PCBP3: variants seen among roughly 807,000 people sequenced by gnomAD.
The protein encoded by PCBP3 is poly(rC) binding protein 3.
In PCBP3, 25 loss-of-function variants were observed where a neutral mutation model predicts 52.7. That is an observed-to-expected ratio of 0.47 (90% CI 0.35 to 0.66). The LOEUF is 0.66. PCBP3 is among the 30% of genes least tolerant of loss of function. PCBP3 has a pLI of 0.01. For synonymous variants in PCBP3, 162 were observed against 183.0 expected (o/e 0.89, Z 0.93); for missense variants, 391 against 490.3 (o/e 0.80, Z 1.91).
At chr21:45,858,601 C>G (rs2148389082) in intron 5 of PCBP3, 1 of 152,266 alleles carries the variant, frequency 6.6e-6, no homozygotes, top group African/African-American at 2.4e-5. Flanking sequence ...AGGAAGGCCA[C>G]CTTTGCATGA....
At chr21:45,713,535 A>G (rs2084000734) in intron 2 of PCBP3, among the ~76,000 whole-genome samples, 1 of 152,198 alleles carries the variant, frequency 6.6e-6, no homozygotes, top group South Asian at 2.1e-4. Flanking sequence ...CGACCACCTC[A>G]TGAAGGCAGA....
chr21:45,869,987 CTT>C (rs1158679081), intron 5 of PCBP3, among the ~76,000 whole-genome samples: 1 of 152,176 alleles, frequency 6.6e-6, no homozygotes, highest in Non-Finnish European at 1.5e-5. Flanking sequence ...ACACTTCAGA[CTT>C]TAATTTTTTG....
chr21:45,879,076 C>G (rs2095337866), intron 5 of PCBP3, among the ~76,000 whole-genome samples: 1 of 152,150 alleles, frequency 6.6e-6, no homozygotes. Flanking sequence ...GCCTCCATCT[C>G]CCAGGCTCAA....
intron 5 of PCBP3, among the ~76,000 whole-genome samples, chr21:45,863,727 G>A (rs562710466): frequency 2.0e-5 from 3 of 152,290 alleles, no homozygotes; most frequent in Non-Finnish European, 2.9e-5. Flanking sequence ...AAACCTGATC[G>A]TTCCCAGCCT....
intron 4 of PCBP3, among the ~76,000 whole-genome samples, chr21:45,766,923 A>G (rs983428831): frequency 6.7e-6 from 1 of 150,076 alleles, no homozygotes; most frequent in African/African-American, 2.5e-5. Flanking sequence ...CAAGAGTGGT[A>G]TCATTACAGT....
At chr21:45,671,670 G>C (rs567665888) in intron 2 of PCBP3, among the ~76,000 whole-genome samples, 1 of 152,288 alleles carries the variant, frequency 6.6e-6, no homozygotes, top group African/African-American at 2.4e-5. Flanking sequence ...TGATTTGGGG[G>C]AGGGTTCAAG....
At chr21:45,867,491 C>T (rs1415828261) in intron 5 of PCBP3, among the ~76,000 whole-genome samples, 2 of 152,258 alleles carry the variant, frequency 1.3e-5, no homozygotes, top group Non-Finnish European at 2.9e-5. Context: ...CCGCATTCAC[C>T]GCACGCGGAG....
At chr21:45,868,908 G>C (rs1219214764) in intron 5 of PCBP3, among the ~76,000 whole-genome samples, 2 of 152,216 alleles carry the variant, frequency 1.3e-5, no homozygotes, top group African/African-American at 2.4e-5. Flanking sequence ...TTCTCTTTCA[G>C]ATCCTGCCAC....
At position 45,928,680 on chromosome 21, in the gene PCBP3, G is replaced by A. The variant is rs1043392608; in HGVS notation, c.718-1237G>A. On this transcript the variant is annotated intron_variant, in intron 13 of 17. Transcript: ENST00000681687. The surrounding 1 kb of genome is among the most constrained non-coding windows in gnomAD (Gnocchi z 4.1). ...TGCAGATGGCAGCTCTGCTCCGAGC[G>A]CCCACACCCCCCAGCATTGGTGGCC... Among the ~76,000 whole-genome samples, 4 of 151,994 alleles carry A rather than the reference G, an allele frequency of 2.6e-5. No individual in the cohort carries two copies. The highest frequency in any genetic ancestry group is 2.4e-5 in the African/African-American group (1 of 41,374).
At chr21:45,754,149 T>G (rs1010386564) in intron 3 of PCBP3, among the ~76,000 whole-genome samples, 1 of 152,190 alleles carries the variant, frequency 6.6e-6, no homozygotes, top group African/African-American at 2.4e-5. Flanking sequence ...AAAATTAAAT[T>G]TTAATGGAAA....
At chr21:45,782,378 A>G (rs1437184021) in intron 4 of PCBP3, among the ~76,000 whole-genome samples, 1 of 152,216 alleles carries the variant, frequency 6.6e-6, no homozygotes, top group Non-Finnish European at 1.5e-5. Context: ...ACATTTTAGA[A>G]TTGAAACATA....
chr21:45,764,271 C>G (rs1005060915), intron 4 of PCBP3, among the ~76,000 whole-genome samples: 1 of 152,046 alleles, frequency 6.6e-6, no homozygotes, highest in East Asian at 1.9e-4. Flanking sequence ...TACAGGCATG[C>G]GCCACCACGC....
rs758635333 is a variant in PCBP3 at position 45,789,537 on chromosome 21, G to C, written c.-126+34085G>C. Among the ~76,000 whole-genome samples the C allele has an allele frequency of 3.3e-5, 5 of 152,132 alleles. 1 individual carries two copies. Among genetic ancestry groups the C allele is most frequent in the Non-Finnish European group, 7.3e-5 (5 of 68,032 alleles). On this transcript the variant is annotated intron_variant, in intron 4 of 17. Transcript: ENST00000681687. ...AGGTGATGTTAAAGGAAAGATGAGG[G>C]TGTGAGCCATGGATGAGGAGCAATC...
At chr21:45,840,379 C>T (rs962558638) in intron 4 of PCBP3, among the ~76,000 whole-genome samples, 3 of 150,366 alleles carry the variant, frequency 2.0e-5, no homozygotes, top group African/African-American at 7.4e-5. Flanking sequence ...ATGGTGTGAA[C>T]CCGGGAGGCG....
At chr21:45,847,559 C>T (rs189431452) in intron 4 of PCBP3, among the ~76,000 whole-genome samples, 7 of 152,296 alleles carry the variant, frequency 4.6e-5, no homozygotes, top group Middle Eastern at 6.8e-3. Flanking sequence ...AACTATTTCT[C>T]TAGAGCTTTA....
In PCBP3 at chr21:45,737,681, A is replaced by T. The variant is rs1299359034; in HGVS notation, c.-162+2252A>T. 2.0e-5 allele frequency among the ~76,000 whole-genome samples: 3 copies of T among 152,204 alleles called. No homozygotes were observed. Among genetic ancestry groups the T allele is most frequent in the Non-Finnish European group, 2.9e-5 (2 of 68,036 alleles). ...GGAGGCTGCAGCAGGCAGATTCTGG[A>T]AATTCCCTGAGGCCTTCGTTCAGTA... On this transcript the variant is annotated intron_variant, in intron 3 of 17. Coordinates refer to ENST00000681687, the MANE Select transcript of PCBP3 (RefSeq NM_001384156.1). This position sits in a 1 kb window ranked among gnomAD's most constrained non-coding sequence, Gnocchi z 4.9.
intron 4 of PCBP3, among the ~76,000 whole-genome samples, chr21:45,766,932 G>A (rs1404404813): frequency 6.6e-6 from 1 of 152,180 alleles, no homozygotes; most frequent in Non-Finnish European, 1.5e-5. Flanking sequence ...TATCATTACA[G>A]TCTGTCAGAC....
At chr21:45,806,863 C>T (rs535945429) in intron 4 of PCBP3, among the ~76,000 whole-genome samples, 3 of 152,202 alleles carry the variant, frequency 2.0e-5, no homozygotes, top group East Asian at 1.9e-4. Context: ...CCCTGCCTTG[C>T]TCTTGTTCTT....
chr21:45,654,338 A>ATTT lies in PCBP3; in HGVS notation c.-279+10489_-279+10491dup, dbSNP rs398036499. Among the ~76,000 whole-genome samples the ATTT allele has an allele frequency of 8.3e-4, 91 of 109,376 alleles. 4 individuals are homozygous for ATTT. Among genetic ancestry groups the ATTT allele is most frequent in the East Asian group, 2.3e-3 (9 of 3,846 alleles). The allele number at this position is 109,376 out of a possible 152,430, so 71.8% of individuals were successfully genotyped here. A position where few individuals can be genotyped will look rare whatever the true frequency, so the allele number is the denominator to read the frequency against. ...GCAGGTCAGCTGATGTAGACATTGC[A>ATTT]TTTTTTTTTTTTTTTTTTTTTGAGA... On this transcript the variant is annotated intron_variant, in intron 1 of 17. Transcript: ENST00000681687.
Sources: allele counts gnomAD v4.1 joint callset (sites outside exome capture counted in the v4.1 genomes callset), GRCh38; gene constraint gnomAD v4.1.1; non-coding constraint Gnocchi (gnomAD v3.1); transcripts MANE v1.5; gene names NCBI Gene and HGNC (gene_info 2026-07-23, HGNC 2026-07-21).